CYB5B: variants seen among roughly 807,000 people sequenced by gnomAD.
CYB5B encodes cytochrome b5 type B (outer mitochondrial membrane).
Under a neutral mutation model 21.3 loss-of-function variants are expected in CYB5B, and 14 were observed. That is an observed-to-expected ratio of 0.66 (90% CI 0.43 to 1.03). The LOEUF (loss-of-function observed/expected upper bound fraction) is 1.03. CYB5B is among the 50% of genes least tolerant of loss of function. The pLI is 0.00. For missense variants in CYB5B, 166 were observed against 185.1 expected (o/e 0.90, Z 0.60); for synonymous variants, 69 against 68.4 (o/e 1.01, Z -0.04).
intron 1 of CYB5B, among the ~76,000 whole-genome samples, chr16:69,425,364 T>C (rs1369195368): frequency 6.6e-6 from 1 of 151,558 alleles, no homozygotes; most frequent in African/African-American, 2.4e-5. Flanking sequence ...TGTTTTTTTT[T>C]CCCCCTAATC....
At chr16:69,439,359 C>T (rs1294830315) in intron 1 of CYB5B, among the ~76,000 whole-genome samples, 4 of 151,688 alleles carry the variant, frequency 2.6e-5, no homozygotes, top group African/African-American at 4.8e-5. Flanking sequence ...TACAGGTGCC[C>T]GCCATCAGGC....
At position 69,443,041 on chromosome 16, in the gene CYB5B, C is replaced by T. The variant is rs572187370; in HGVS notation, c.175-4109C>T. ...GTGGCTCACTGAAAACTTCGCCTCCCGGGTTCAAGTGGTTTTCCCGAATAG... is the reference window on the plus strand; with the variant it reads ...GTGGCTCACTGAAAACTTCGCCTCCTGGGTTCAAGTGGTTTTCCCGAATAG... On this transcript the variant is annotated intron_variant, in intron 1 of 4. Transcript: ENST00000307892. Among the ~76,000 whole-genome samples, 24 of 152,140 alleles carry T rather than the reference C, an allele frequency of 1.6e-4. No individual in the cohort carries two copies. The South Asian group carries it at 4.6e-3, about 29-fold the overall frequency.
chr16:69,439,501 G>T (rs2014797715), intron 1 of CYB5B, among the ~76,000 whole-genome samples: 1 of 150,510 alleles, frequency 6.6e-6, no homozygotes, highest in Non-Finnish European at 1.5e-5. Flanking sequence ...GAGCCACCAC[G>T]CCCGGCCTGT....
At chr16:69,435,765 G>A (rs1372694494) in intron 1 of CYB5B, among the ~76,000 whole-genome samples, 1 of 151,912 alleles carries the variant, frequency 6.6e-6, no homozygotes, top group East Asian at 1.9e-4. Flanking sequence ...AGCCTCCCGA[G>A]TACCTGGGAT....
rs554869805 is a variant in CYB5B, at chr16:69,465,591, C to T, written c.*3071C>T. 3 of 152,264 alleles carry T rather than the reference C, an allele frequency of 2.0e-5. No homozygotes were observed. The highest frequency in any genetic ancestry group is 3.9e-4 in the East Asian group (2 of 5,186). 9.4% of individuals were successfully genotyped at this position (152,264 alleles called of 1,614,324 possible). ...ATATGTTGTGAAATCAGAACACTGT[C>T]GAGTTTATACTCATTTAGCTGCAAT... On this transcript the variant is annotated 3_prime_UTR_variant, in exon 5 of 5. Coordinates refer to ENST00000307892, the MANE Select transcript of CYB5B (RefSeq NM_030579.3).
chr16:69,459,146 C>T, intron 4 of CYB5B, 25 bp downstream of exon 4: 1 of 1,603,140 alleles, frequency 6.2e-7, no homozygotes, highest in Non-Finnish European at 8.5e-7. Context: ...AACAGCTTTC[C>T]ATACGTTCAA....
intron 1 of CYB5B, among the ~76,000 whole-genome samples, chr16:69,445,240 T>A (rs866433429): frequency 6.6e-6 from 1 of 152,288 alleles, no homozygotes; most frequent in Non-Finnish European, 1.5e-5. Flanking sequence ...ACCTGAGAGT[T>A]TCAGATATAA....
chr16:69,453,637 C>G (rs1420342583), intron 3 of CYB5B, among the ~76,000 whole-genome samples: 1 of 152,104 alleles, frequency 6.6e-6, no homozygotes, highest in Non-Finnish European at 1.5e-5. Flanking sequence ...GGCTCTGCAA[C>G]CTCCGCCTCC....
rs952525082 is a variant in CYB5B, at chr16:69,465,962, A to C, written c.*3442A>C. The C allele has an allele frequency of 2.0e-5, 3 of 152,610 alleles. No homozygotes were observed. The highest frequency in any genetic ancestry group is 4.4e-5 in the Non-Finnish European group (3 of 68,046). 9.5% of individuals were successfully genotyped at this position (152,610 alleles called of 1,614,324 possible). On this transcript the variant is annotated 3_prime_UTR_variant, in exon 5 of 5. Transcript: ENST00000307892. Reference sequence around the variant, plus strand: ...TCCAAAGAAGCAGAGGCATTTGTCAAGTTACCTACCCTATATCCAGCATCC... The same window carrying C: ...TCCAAAGAAGCAGAGGCATTTGTCACGTTACCTACCCTATATCCAGCATCC...
chr16:69,424,950 C>T, intron 1 of CYB5B, 93 bp downstream of exon 1: 2 of 1,308,932 alleles, frequency 1.5e-6, no homozygotes, highest in Admixed American at 6.8e-5. Context: ...GGAGGCTTGG[C>T]TGGGGGCGAT....
chr16:69,461,152 C>T (rs2015031859), intron 4 of CYB5B, among the ~76,000 whole-genome samples: 2 of 151,802 alleles, frequency 1.3e-5, no homozygotes, highest in South Asian at 2.1e-4. Context: ...TTGCAGTGAG[C>T]CAAGATCGCG....
intron 3 of CYB5B, among the ~76,000 whole-genome samples, chr16:69,450,514 C>T (rs572609748): frequency 6.6e-6 from 1 of 152,272 alleles, no homozygotes; most frequent in East Asian, 1.9e-4. Flanking sequence ...CCTTTTGGAA[C>T]ATTTTCAAGA....
intron 4 of CYB5B, among the ~76,000 whole-genome samples, chr16:69,460,234 CA>C (rs566667712): frequency 3.3e-4 from 45 of 135,762 alleles, no homozygotes; most frequent in Admixed American, 5.2e-4. Flanking sequence ...AACTCCATCT[CA>C]AAAAAAAAAA....
chr16:69,462,399 CA>C (rs2015043832), intron 4 of CYB5B, 30 bp from the exon 5 acceptor site: 2 of 1,533,262 alleles, frequency 1.3e-6, no homozygotes, highest in South Asian at 2.2e-5. Context: ...AAAATATTAA[CA>C]ACTTTATTGC....
At chr16:69,438,852 TATTA>T (rs2014790584) in intron 1 of CYB5B, among the ~76,000 whole-genome samples, 1 of 152,214 alleles carries the variant, frequency 6.6e-6, no homozygotes, top group Admixed American at 6.5e-5. Flanking sequence ...ATATTCTGGA[TATTA>T]ATTCTTGATC....
chr16:69,461,878 G>A (rs2015038637), intron 4 of CYB5B, among the ~76,000 whole-genome samples: 1 of 152,160 alleles, frequency 6.6e-6, no homozygotes, highest in South Asian at 2.1e-4. Context: ...CCTTGTATGA[G>A]ATGAGAATAA....
At chr16:69,455,459 G>T (rs1388142394) in intron 3 of CYB5B, among the ~76,000 whole-genome samples, 3 of 148,274 alleles carry the variant, frequency 2.0e-5, no homozygotes, top group Non-Finnish European at 3.0e-5. Context: ...CCAGGCTGGA[G>T]TGCAACGGTG....
In CYB5B at chr16:69,464,961, T is replaced by C. The variant is rs1185593308; in HGVS notation, c.*2441T>C. ...CAAAAACAGCCAGGTGAAAGCTAAA[T>C]CTTGTGTGAGAGTTTGCAGAGGTTT... On this transcript the variant is annotated 3_prime_UTR_variant, in exon 5 of 5. Coordinates refer to ENST00000307892, the MANE Select transcript of CYB5B (RefSeq NM_030579.3). 3 of 152,644 alleles carry C rather than the reference T, an allele frequency of 2.0e-5. No individual in the cohort carries two copies. Among genetic ancestry groups the C allele is most frequent in the Non-Finnish European group, 4.4e-5 (3 of 68,044 alleles). The allele number at this position is 152,644 out of a possible 1,614,324, so 9.5% of individuals were successfully genotyped here.
chr16:69,431,777 A>G (rs541676780), intron 1 of CYB5B, among the ~76,000 whole-genome samples: 9 of 152,306 alleles, frequency 5.9e-5, no homozygotes, highest in South Asian at 2.1e-4. Context: ...CTCCAAACAA[A>G]CAAAACGAAA....
Sources: gnomAD v4.1 joint callset for allele counts (sites outside exome capture counted in the v4.1 genomes callset) on GRCh38, gnomAD v4.1.1 for gene constraint, MANE v1.5 for transcripts, NCBI Gene and HGNC (gene_info 2026-07-23, HGNC 2026-07-21) for gene names.